The following NAV3 variants were observed in gnomAD, a reference collection of about 807,000 sequenced individuals.
NAV3 encodes neuron navigator 3, also known as pore membrane and/or filament interacting like protein 1.
NAV3 carries 87 observed loss-of-function variants against 244.7 expected under a neutral mutation model. That is an observed-to-expected ratio of 0.36 (90% CI 0.30 to 0.42). The LOEUF is 0.42. Ranked by LOEUF, NAV3 falls within the 20% of genes least tolerant of loss-of-function variation. The probability of loss-of-function intolerance (pLI) is 1.00; values close to 1 mark genes in which losing one functional copy is unlikely to be tolerated. For missense variants in NAV3, 2,663 were observed against 2,893.3 expected, an observed-to-expected ratio of 0.92 and a Z score of 1.83; for synonymous variants, 1,126 against 1,042.2, an observed-to-expected ratio of 1.08 and a Z score of -1.55.
At chr12:77,709,738 G>A (rs936851839) in intron 2 of NAV3, among the ~76,000 whole-genome samples, 4 of 152,272 alleles carry the variant, frequency 2.6e-5, no homozygotes, top group African/African-American at 4.8e-5. Flanking sequence ...CTTATTTGCT[G>A]TCTTCTGTCT....
chr12:77,811,254 A>T (rs768778580), intron 2 of NAV3, among the ~76,000 whole-genome samples: 27 of 152,156 alleles, frequency 1.8e-4, no homozygotes, highest in Non-Finnish European at 3.1e-4. Flanking sequence ...TTTCAGTATC[A>T]CTTAAGAGCA....
intron 2 of NAV3, among the ~76,000 whole-genome samples, chr12:77,733,326 A>G (rs1344728932): frequency 6.6e-6 from 1 of 152,056 alleles, no homozygotes; most frequent in East Asian, 1.9e-4. Context: ...TAAGAGAAAA[A>G]CAGGAAGAAG....
rs1174273349 is a variant in NAV3 at position 78,160,950 on chromosome 12, C to T, written c.4869+1664C>T. Among the ~76,000 whole-genome samples, 8 of 151,420 alleles carry T rather than the reference C, an allele frequency of 5.3e-5. No individual in the cohort carries two copies. In the Admixed American group the frequency reaches 5.3e-4, roughly 10 times the overall value. ...TTTCTCCTCCCTTACACCCTTTCTTCCTTCTTTTCCCCCTCTGTCTCCCTC... is the reference window on the plus strand; with the variant it reads ...TTTCTCCTCCCTTACACCCTTTCTTTCTTCTTTTCCCCCTCTGTCTCCCTC... On this transcript the variant is annotated intron_variant, in intron 23 of 39. Transcript: ENST00000397909.
rs408175 is a variant in NAV3 at position 78,064,426 on chromosome 12, T to C, written c.2636+5311T>C. On this transcript the variant is annotated intron_variant, in intron 12 of 39. Coordinates refer to ENST00000397909, the MANE Select transcript of NAV3 (RefSeq NM_001024383.2). ...GTCTGTCTGTCTGTCTGTCTGTCTG[T>C]CTGCCTGCCTGCCTGCCTGCCTGCC... Among the ~76,000 whole-genome samples the C allele has an allele frequency of 3.5e-3, 478 of 136,258 alleles. 2 individuals are homozygous for C. The highest frequency in any genetic ancestry group is 8.3e-3 in the African/African-American group (305 of 36,716). The allele number at this position is 136,258 out of a possible 152,430, so 89.4% of individuals were successfully genotyped here.
chr12:78,175,194 CA>C (rs1958167376), intron 24 of NAV3, 111 bp from the exon 25 acceptor site: 1 of 1,181,756 alleles, frequency 8.5e-7, no homozygotes, highest in Non-Finnish European at 1.2e-6. Context: ...ATTATCTGTA[CA>C]AAGCCTTGTT....
intron 8 of NAV3, among the ~76,000 whole-genome samples, chr12:78,020,055 G>C (rs1370432904): frequency 6.6e-6 from 1 of 152,118 alleles, no homozygotes; most frequent in African/African-American, 2.4e-5. Flanking sequence ...ATCATTTAGA[G>C]AGACTATAGA....
chr12:77,711,191 T>C (rs1876095397), intron 2 of NAV3, among the ~76,000 whole-genome samples: 1 of 152,234 alleles, frequency 6.6e-6, no homozygotes, highest in Admixed American at 6.5e-5. Context: ...CCCAATGATC[T>C]GTAGTCTTTT....
intron 1 of NAV3, among the ~76,000 whole-genome samples, chr12:77,938,353 T>C (rs1189704324): frequency 2.0e-5 from 3 of 152,202 alleles, no homozygotes; most frequent in Non-Finnish European, 4.4e-5. Context: ...CATGTATTTG[T>C]GTGCTAATTC....
chr12:77,945,526 G>A (rs1453802700), intron 3 of NAV3, among the ~76,000 whole-genome samples: 1 of 151,984 alleles, frequency 6.6e-6, no homozygotes, highest in Admixed American at 6.6e-5. Flanking sequence ...AGTTCTGTAG[G>A]GTATAATGTA....
chr12:77,940,142 G>C, intron 1 of NAV3, 177 bp from the exon 2 acceptor site: 1 of 579,242 alleles, frequency 1.7e-6, no homozygotes, highest in East Asian at 2.9e-5. Context: ...TGAGAGATAA[G>C]TTGGGGAAAG....
chr12:77,953,245 C>T (rs17817862), intron 3 of NAV3, among the ~76,000 whole-genome samples: 27,775 of 152,062 alleles, frequency 0.18, 3,185 homozygotes, highest in Admixed American at 0.28. Context: ...TCCTCGGGAA[C>T]TTTCCATATC....
chr12:77,812,677 C>G (rs1322860750), intron 2 of NAV3, among the ~76,000 whole-genome samples: 1 of 152,038 alleles, frequency 6.6e-6, no homozygotes, highest in Non-Finnish European at 1.5e-5. Context: ...GGCGCTCCCG[C>G]CTGGCCTCCC....
In NAV3 at chr12:77,882,131, C is replaced by A. The variant is rs368895034; in HGVS notation, c.243+50427C>A. On this transcript the variant is annotated intron_variant, in intron 1 of 39. Coordinates refer to ENST00000397909, the MANE Select transcript of NAV3 (RefSeq NM_001024383.2). ...TCCGGACAGCCAAAGCGATCTCACA[C>A]GAAAAGAACAAAGCAGAAGGCATCA... is the stretch of plus-strand genomic sequence containing the variant. Among the ~76,000 whole-genome samples the A allele has an allele frequency of 3.3e-5, 5 of 152,004 alleles. 1 individual carries two copies. The highest frequency in any genetic ancestry group is 2.6e-4 in the Admixed American group (4 of 15,252).
intron 1 of NAV3, among the ~76,000 whole-genome samples, chr12:77,854,229 A>G (rs1296386733): frequency 2.0e-5 from 3 of 152,314 alleles, no homozygotes; most frequent in Admixed American, 6.5e-5. Context: ...ATGTTTCATC[A>G]GCAATATGGC....
intron 2 of NAV3, among the ~76,000 whole-genome samples, chr12:77,682,042 T>C (rs1702144408): frequency 6.6e-6 from 1 of 152,144 alleles, no homozygotes; most frequent in Non-Finnish European, 1.5e-5. Flanking sequence ...TTCATTGTTA[T>C]TAACTGCAGT....
chr12:77,916,971 G>A (rs954705254), intron 1 of NAV3, among the ~76,000 whole-genome samples: 5 of 151,704 alleles, frequency 3.3e-5, no homozygotes, highest in Non-Finnish European at 5.9e-5. Flanking sequence ...CACATCAATA[G>A]GATATTTACT....
rs769185973 is a variant in NAV3 at position 78,006,409 on chromosome 12, C to T, written c.881-10C>T. The stretch of plus-strand genomic sequence containing the variant: ...GCCTTTTCTTTATTTTTCTTCTAAA[C>T]AATGTCCAGATTCCTCCAAAGGACC... On this transcript the variant is annotated splice_polypyrimidine_tract_variant and intron_variant, in intron 7 of 39. Coordinates refer to ENST00000397909, the MANE Select transcript of NAV3 (RefSeq NM_001024383.2). 12 of 1,604,572 alleles carry T rather than the reference C, an allele frequency of 7.5e-6. No individual in the cohort carries two copies. The highest frequency in any genetic ancestry group is 1.0e-5 in the Non-Finnish European group (12 of 1,173,990).
At chr12:77,850,216 C>A (rs918522016) in intron 1 of NAV3, among the ~76,000 whole-genome samples, 1 of 152,126 alleles carries the variant, frequency 6.6e-6, no homozygotes, top group African/African-American at 2.4e-5. Context: ...GTGTTTTTGG[C>A]ATTCTTTGAT....
chr12:77,847,623 C>G (rs1201290641), intron 1 of NAV3, among the ~76,000 whole-genome samples: 1 of 152,212 alleles, frequency 6.6e-6, no homozygotes, highest in Admixed American at 6.5e-5. Context: ...TTTTCTCATT[C>G]ATTCTGCATG....
Sources: gnomAD v4.1 joint callset for allele counts (sites outside exome capture counted in the v4.1 genomes callset) on GRCh38, gnomAD v4.1.1 for gene constraint, MANE v1.5 for transcripts, NCBI Gene and HGNC (gene_info 2026-07-23, HGNC 2026-07-21) for gene names.